Variants in PKHD1L1 observed in about 807,000 individuals in gnomAD.
PKHD1L1 encodes the protein PKHD1 like 1.
A neutral mutation model predicts 462.9 loss-of-function variants in PKHD1L1; 434 were observed. The observed-to-expected ratio is 0.94, with a 90% CI of 0.87 to 1.02. PKHD1L1 has a LOEUF of 1.02. PKHD1L1 is among the 50% of genes least tolerant of loss of function. PKHD1L1 has a pLI of 0.00. For synonymous variants in PKHD1L1, 1,781 were observed against 1,750.0 expected (o/e 1.02, Z -0.44); for missense variants, 5,202 against 5,096.1 (o/e 1.02, Z -0.63).
intron 39 of PKHD1L1, 108 bp downstream of exon 39, chr8:109,448,499 G>GT (rs1480001760): frequency 7.3e-5 from 87 of 1,185,584 alleles, no homozygotes; most frequent in Non-Finnish European, 8.6e-5. Flanking sequence ...AATTTCTAGT[G>GT]TTTTTTTTGT....
intron 7 of PKHD1L1, 85 bp downstream of exon 7, chr8:109,388,635 G>A (rs1812554763): frequency 6.8e-6 from 6 of 887,112 alleles, no homozygotes; most frequent in Non-Finnish European, 1.1e-5. Context: ...TACCAATACT[G>A]CATAGCTAAA....
intron 31 of PKHD1L1, 98 bp downstream of exon 31, chr8:109,438,554 T>A (rs1303478915): frequency 1.7e-6 from 2 of 1,168,216 alleles, no homozygotes; most frequent in East Asian, 5.4e-5. Context: ...GTTTTGTTTC[T>A]TAAAGTGAAA....
rs1167137336 is a variant in PKHD1L1 at position 109,522,609 on chromosome 8, AATTAT to A, written c.12184-130_12184-126del. On this transcript the variant is annotated intron_variant, in intron 74 of 77. Coordinates refer to ENST00000378402, the MANE Select transcript of PKHD1L1 (RefSeq NM_177531.6). ...ATAAATGTAATGGAGGAAATATTGT[AATTAT>A]ATTAATTTTGCATATTGAACATATT... 3.0e-6 allele frequency: 3 copies of A among 992,296 alleles called. No homozygotes were observed. The African/African-American group carries it at 5.0e-5, about 17-fold the overall frequency. The allele number at this position is 992,296 out of a possible 1,614,324, so 61.5% of individuals were successfully genotyped here.
intron 2 of PKHD1L1, among the ~76,000 whole-genome samples, chr8:109,373,007 A>G (rs1484882579): frequency 1.3e-5 from 2 of 149,328 alleles, no homozygotes; most frequent in African/African-American, 5.2e-5. Context: ...TATCAGGATG[A>G]TGCTGGCCTC....
In PKHD1L1 at chr8:109,454,829, G is replaced by T; in HGVS notation, c.6851G>T (p.Arg2284Leu). The T allele has an allele frequency of 6.2e-7, 1 of 1,613,734 alleles. No homozygotes were observed. Among genetic ancestry groups the T allele is most frequent in the South Asian group, 1.1e-5 (1 of 91,064 alleles). Reference sequence around the variant, plus strand: ...TATGGTGCCAAAACACTGGCTGTGCGGGAGGGAATCCTGGATCTGCACGGT... The same window carrying T: ...TATGGTGCCAAAACACTGGCTGTGCTGGAGGGAATCCTGGATCTGCACGGT... ...PVYGAKTLAV[R>L]EGILDLHGVP... Residue 2284 changes from arginine (R) to leucine (L), a missense_variant, in exon 45 of 78, where the codon CGG (arginine) becomes CTG (leucine). Physicochemically the swap from Arg to Leu is moderately radical, Grantham distance 102 (BLOSUM62 -2). Coordinates refer to ENST00000378402, the MANE Select transcript of PKHD1L1 (RefSeq NM_177531.6).
rs147130729 is a variant in PKHD1L1, at chr8:109,385,428, TAA to T, written c.476-108_476-107del. 643 of 624,726 alleles carry T rather than the reference TAA, an allele frequency of 1.0e-3. 4 individuals carry two copies. The African/African-American group carries it at 0.011, about 11-fold the overall frequency. The allele number at this position is 624,726 out of a possible 1,614,324, so 38.7% of individuals were successfully genotyped here. Reference sequence around the variant, plus strand: ...AAACAATAGTGGCAAACATGAGGTATAAGTGTCTGGGTCCTGGTTTTATTGGG... The same window carrying T: ...AAACAATAGTGGCAAACATGAGGTATGTGTCTGGGTCCTGGTTTTATTGGG... On this transcript the variant is annotated intron_variant, in intron 5 of 77. Coordinates refer to ENST00000378402, the MANE Select transcript of PKHD1L1 (RefSeq NM_177531.6).
intron 76 of PKHD1L1, 107 bp from the exon 77 acceptor site, chr8:109,526,677 A>C (rs775098878): frequency 1.0e-6 from 1 of 952,474 alleles, no homozygotes; most frequent in South Asian, 1.8e-5. Context: ...AAAATATTTC[A>C]TCAGGATCTA....
rs1432126187 is a variant in PKHD1L1 at position 109,531,169 on chromosome 8, C to T, written c.*1079C>T. On this transcript the variant is annotated 3_prime_UTR_variant, in exon 78 of 78. Coordinates refer to ENST00000378402, the MANE Select transcript of PKHD1L1 (RefSeq NM_177531.6). Reference sequence around the variant, plus strand: ...TTCAACAAAGCCCATACCGTTGTCTCTTGTATAACATCTCCTAGTACATTC... The same window carrying T: ...TTCAACAAAGCCCATACCGTTGTCTTTTGTATAACATCTCCTAGTACATTC... Among the ~76,000 whole-genome samples, 1 of 152,168 alleles carries T rather than the reference C, an allele frequency of 6.6e-6. No individual in the cohort carries two copies. Among genetic ancestry groups the T allele is most frequent in the Non-Finnish European group, 1.5e-5 (1 of 68,028 alleles).
intron 2 of PKHD1L1, among the ~76,000 whole-genome samples, chr8:109,368,793 G>A (rs554742617): frequency 9.2e-5 from 14 of 152,160 alleles, no homozygotes; most frequent in African/African-American, 2.4e-4. Context: ...CCAGGTTTGC[G>A]TGCCTGGCAA....
rs1330100720 is a variant in PKHD1L1, at chr8:109,534,502, G to A, written c.*4412G>A. On this transcript the variant is annotated 3_prime_UTR_variant, in exon 78 of 78. Coordinates refer to ENST00000378402, the MANE Select transcript of PKHD1L1 (RefSeq NM_177531.6). ...AAAAACTTTAATCTGAATCCATTAT[G>A]TGTTGGGTTGGGTTGGGGAACCTAC... is the stretch of plus-strand genomic sequence containing the variant. Among the ~76,000 whole-genome samples, 1 of 151,996 alleles carries A rather than the reference G, an allele frequency of 6.6e-6. No homozygotes were observed. The highest frequency in any genetic ancestry group is 1.5e-5 in the Non-Finnish European group (1 of 67,982).
intron 36 of PKHD1L1, among the ~76,000 whole-genome samples, chr8:109,443,392 T>C (rs1815926226): frequency 6.6e-6 from 1 of 152,234 alleles, no homozygotes; most frequent in Non-Finnish European, 1.5e-5. Flanking sequence ...CCTGGACGTA[T>C]ATTAAAATGT....
At position 109,443,853 on chromosome 8, in the gene PKHD1L1, T is replaced by G. The variant is rs1238951786; in HGVS notation, c.4742T>G (p.Leu1581Arg). ...ITPSTGTVNE[L>R]ITIIGHGFSN... The stretch of plus-strand genomic sequence containing the variant: ...CCGTCCACTGGAACAGTAAATGAAC[T>G]AATAACAATTATTGGACATGGCTTT... The change falls in exon 37 of 78, where the codon CTA becomes CGA. Residue 1581 changes from leucine to arginine, a missense_variant. Physicochemically the swap from Leu to Arg is moderately radical, Grantham distance 102. Transcript: ENST00000378402. 1.2e-6 allele frequency: 2 copies of G among 1,613,830 alleles called. No individual in the cohort carries two copies. Among genetic ancestry groups the G allele is most frequent in the Non-Finnish European group, 1.7e-6 (2 of 1,179,722 alleles).
chr8:109,486,627 C>T, intron 58 of PKHD1L1, 21 bp from the exon 59 acceptor site: 1 of 1,603,254 alleles, frequency 6.2e-7, no homozygotes, highest in South Asian at 1.1e-5. Flanking sequence ...TGGCAATAAT[C>T]TAGCTGCCTT....
intron 49 of PKHD1L1, among the ~76,000 whole-genome samples, chr8:109,465,782 T>C (rs1468915693): frequency 2.0e-5 from 3 of 152,300 alleles, no homozygotes; most frequent in Middle Eastern, 6.8e-3. Flanking sequence ...ATCCTAAATT[T>C]GTAATTTATT....
At chr8:109,527,778 C>A (rs564147679) in intron 77 of PKHD1L1, among the ~76,000 whole-genome samples, 2 of 152,274 alleles carry the variant, frequency 1.3e-5, no homozygotes, top group East Asian at 3.9e-4. Flanking sequence ...TCCTCACCAC[C>A]CCCAATCTTC....
At position 109,448,126 on chromosome 8, in the gene PKHD1L1, C is replaced by CTTT; in HGVS notation, c.5777-6_5777-4dup. The CTTT allele has an allele frequency of 5.7e-6, 8 of 1,413,324 alleles. No homozygotes were observed. The highest frequency in any genetic ancestry group is 4.1e-5 in the Admixed American group (2 of 48,232). 87.5% of individuals were successfully genotyped at this position (1,413,324 alleles called of 1,614,324 possible). A position where few individuals can be genotyped will look rare whatever the true frequency, so the allele number is the denominator to read the frequency against. ...TAGTTAGATATATTTATATTGTGTGCTTTTTTTTTTTTTAAGGTCCACCAG... is the reference window on the plus strand; with the variant it reads ...TAGTTAGATATATTTATATTGTGTGCTTTTTTTTTTTTTTTTAAGGTCCACCAG... On this transcript the variant is annotated splice_polypyrimidine_tract_variant and intron_variant, in intron 38 of 77. Coordinates refer to ENST00000378402, the MANE Select transcript of PKHD1L1 (RefSeq NM_177531.6).
intron 21 of PKHD1L1, among the ~76,000 whole-genome samples, chr8:109,415,370 C>A (rs1031059738): frequency 2.0e-5 from 3 of 152,124 alleles, no homozygotes; most frequent in Admixed American, 6.5e-5. Context: ...TTCATATACT[C>A]TAAAAATTGT....
chr8:109,370,244 G>A (rs979511461), intron 2 of PKHD1L1, among the ~76,000 whole-genome samples: 4 of 151,884 alleles, frequency 2.6e-5, no homozygotes, highest in South Asian at 4.2e-4. Context: ...TCAACCTCCC[G>A]AGTAGCTGGA....
In PKHD1L1 at chr8:109,385,070, C is replaced by T. The variant is rs182934633; in HGVS notation, c.476-467C>T. Among the ~76,000 whole-genome samples, 161 of 151,704 alleles carry T rather than the reference C, an allele frequency of 1.1e-3. 1 individual carries two copies. Among genetic ancestry groups the T allele is most frequent in the Middle Eastern group, 6.8e-3 (2 of 294 alleles). On this transcript the variant is annotated intron_variant, in intron 5 of 77. Transcript: ENST00000378402. ...TTATTATCACATCTATAGATCTTAACGTTTGTTGTTTTTTCTTCATTTTTA... is the reference window on the plus strand; with the variant it reads ...TTATTATCACATCTATAGATCTTAATGTTTGTTGTTTTTTCTTCATTTTTA...
Sources: gnomAD v4.1 joint callset for allele counts (sites outside exome capture counted in the v4.1 genomes callset) on GRCh38, gnomAD v4.1.1 for gene constraint, MANE v1.5 for transcripts, NCBI Gene and HGNC (gene_info 2026-07-23, HGNC 2026-07-21) for gene names.